CCNE2: variants seen among roughly 807,000 people sequenced by gnomAD.
The protein encoded by CCNE2 is cyclin E2.
In CCNE2, 18 loss-of-function variants were observed where a neutral mutation model predicts 56.8. The ratio of observed to expected loss-of-function variants is 0.32; its 90% confidence interval spans 0.22 to 0.47. The LOEUF is 0.47. CCNE2 is among the 20% of genes least tolerant of loss of function. CCNE2 has a pLI of 1.00. For synonymous variants in CCNE2, 139 were observed against 149.2 expected, an observed-to-expected ratio of 0.93 and a Z score of 0.50; for missense variants, 371 against 467.1, an observed-to-expected ratio of 0.79 and a Z score of 1.90.
intron 6 of CCNE2, among the ~76,000 whole-genome samples, chr8:94,889,985 A>G (rs1817171708): frequency 1.3e-5 from 2 of 152,218 alleles, no homozygotes; most frequent in African/African-American, 4.8e-5. Context: ...CCATAGTCTC[A>G]TTATGGTTTA....
At chr8:94,893,206 C>T (rs1218192470) in intron 4 of CCNE2, among the ~76,000 whole-genome samples, 1 of 152,034 alleles carries the variant, frequency 6.6e-6, no homozygotes, top group East Asian at 1.9e-4. Context: ...TAATAGAAGA[C>T]ACCAGGTGTC....
intron 6 of CCNE2, among the ~76,000 whole-genome samples, chr8:94,889,163 G>A (rs1309355881): frequency 6.6e-6 from 1 of 150,688 alleles, no homozygotes; most frequent in African/African-American, 2.4e-5. Flanking sequence ...AAAAAAAAAA[G>A]AATGTCGAAT....
chr8:94,895,333 C>A, upstream of CCNE2: 2 of 877,746 alleles, frequency 2.3e-6, no homozygotes, highest in African/African-American at 1.8e-5. Context: ...CGCGCCGCGC[C>A]CTGCTCTCAG....
chr8:94,888,924 G>T (rs527338055), intron 6 of CCNE2, among the ~76,000 whole-genome samples: 1 of 152,254 alleles, frequency 6.6e-6, no homozygotes, highest in African/African-American at 2.4e-5. Flanking sequence ...CAAGGCGGGC[G>T]GATCACTTGA....
chr8:94,887,462 G>A (rs757109735), intron 7 of CCNE2, among the ~76,000 whole-genome samples: 6 of 151,880 alleles, frequency 4.0e-5, no homozygotes, highest in Non-Finnish European at 8.8e-5. Context: ...CCAAGATCGC[G>A]CCATTGCACT....
In CCNE2 at chr8:94,888,070, A is replaced by C; in HGVS notation, c.457T>G (p.Cys153Gly). 6.5e-7 allele frequency: 1 copy of C among 1,542,208 alleles called. No homozygotes were observed. Residue 153 changes from cysteine to glycine, a missense_variant, in exon 7 of 12, where the codon TGT becomes GGT. By Grantham distance (159) the Cys-to-Gly change is radical. Coordinates refer to ENST00000308108, the MANE Select transcript of CCNE2 (RefSeq NM_057749.3). ...SILLDWLLEV[C>G]EVYTLHRETF... The stretch of plus-strand genomic sequence containing the variant: ...TCCCTATGAAGTGTGTATACTTCAC[A>C]TACCTAGAGAAGAATCCAAACATTT...
At chr8:94,882,041 A>G in intron 11 of CCNE2, 91 bp downstream of exon 11, 2 of 1,259,030 alleles carry the variant, frequency 1.6e-6, no homozygotes, top group Non-Finnish European at 2.2e-6. Flanking sequence ...TTCCCCTGAA[A>G]CTGCCTGAAG....
chr8:94,887,994 T>G lies in CCNE2; in HGVS notation c.533A>C (p.Lys178Thr). ...DFFDRFMLTQKDINKNMLQLI... is the reference protein window; with the variant it reads ...DFFDRFMLTQTDINKNMLQLI... ...TTGAAGCATATTTTTATTTATATCC[T>G]TTTGTGTCAACATAAATCTATCAAA... The change falls in exon 7 of 12, where the codon AAG becomes ACG. Residue 178 changes from lysine (K) to threonine (T), a missense_variant. Transcript: ENST00000308108. 1 of 1,596,194 alleles carries G rather than the reference T, an allele frequency of 6.3e-7. No individual in the cohort carries two copies. The highest frequency in any genetic ancestry group is 1.1e-5 in the South Asian group (1 of 88,412).
chr8:94,892,630 T>G (rs1041817378), intron 5 of CCNE2, among the ~76,000 whole-genome samples, 188 bp downstream of exon 5: 1 of 152,210 alleles, frequency 6.6e-6, no homozygotes, highest in Non-Finnish European at 1.5e-5. Context: ...TTTTATAGAA[T>G]CAGTGTTTTA....
chr8:94,886,136 C>T (rs148118226), intron 7 of CCNE2, among the ~76,000 whole-genome samples: 2,002 of 152,198 alleles, frequency 0.013, 23 homozygotes, highest in Non-Finnish European at 0.021. Flanking sequence ...TAGGTCAAAC[C>T]GTGGTAAGTA....
intron 8 of CCNE2, 21 bp downstream of exon 8, chr8:94,885,442 G>T: frequency 6.9e-7 from 1 of 1,441,306 alleles, no homozygotes; most frequent in Non-Finnish European, 9.6e-7. Flanking sequence ...TTTGCAACTA[G>T]GAAAACATAA....
intron 7 of CCNE2, among the ~76,000 whole-genome samples, chr8:94,887,560 C>T (rs1045598178): frequency 6.6e-6 from 1 of 151,994 alleles, no homozygotes; most frequent in African/African-American, 2.4e-5. Context: ...ACACAGTATG[C>T]ATTTCATTTC....
intron 2 of CCNE2, 21 bp downstream of exon 2, chr8:94,894,187 C>T: frequency 1.9e-6 from 3 of 1,613,998 alleles, no homozygotes; most frequent in Non-Finnish European, 2.5e-6. Context: ...TGAAACATGT[C>T]TCTAAGACAG....
chr8:94,882,653 T>C (rs1472237603), intron 10 of CCNE2, 128 bp downstream of exon 10: 1 of 668,966 alleles, frequency 1.5e-6, no homozygotes, highest in Non-Finnish European at 2.6e-6. Context: ...AGAAAGATAA[T>C]TACTGAACAG....
At chr8:94,890,309 C>T (rs913497772) in intron 6 of CCNE2, 106 bp downstream of exon 6, 2 of 941,534 alleles carry the variant, frequency 2.1e-6, no homozygotes, top group Non-Finnish European at 3.0e-6. Flanking sequence ...AAGACAGCTT[C>T]CTGGGGATGA....
chr8:94,883,914 G>A, intron 9 of CCNE2: 1 of 456,212 alleles, frequency 2.2e-6, no homozygotes, highest in South Asian at 1.5e-5. Context: ...GGAGAAATGG[G>A]AGAAGAGCTG....
chr8:94,882,325 G>T, intron 10 of CCNE2, 36 bp from the exon 11 acceptor site: 1 of 1,516,664 alleles, frequency 6.6e-7, no homozygotes, highest in Non-Finnish European at 8.9e-7. Flanking sequence ...AAGCATGAAG[G>T]TTGTACATCA....
chr8:94,880,405 C>T lies in CCNE2; in HGVS notation c.*1227G>A, dbSNP rs897618205. 1.7e-5 allele frequency: 7 copies of T among 407,438 alleles called. No individual in the cohort carries two copies. Among genetic ancestry groups the T allele is most frequent in the Non-Finnish European group, 2.6e-5 (6 of 228,496 alleles). 25.2% of individuals were successfully genotyped at this position (407,438 alleles called of 1,614,324 possible). ...ACAAACTATACAGAAGACTTCATAC[C>T]GTAACAATAAATGTATAGTTTCTTC... On this transcript the variant is annotated 3_prime_UTR_variant, in exon 12 of 12. Transcript: ENST00000308108.
rs376184791 is a variant in CCNE2 at position 94,882,151 on chromosome 8, G to A, written c.1082C>T (p.Thr361Ile). 6.2e-7 allele frequency: 1 copy of A among 1,610,668 alleles called. No individual in the cohort carries two copies. The highest frequency in any genetic ancestry group is 8.5e-7 in the Non-Finnish European group (1 of 1,178,906). The change falls in exon 11 of 12, where the codon ACA becomes ATA. Residue 361 changes from threonine (T) to isoleucine (I), a missense_variant. Thr to Ile is a moderately conservative substitution (Grantham distance 89). Transcript: ENST00000308108. ...ACATACCAGCATAGCCAAATAGTTT[G>A]TATGTGTCTGGATATTATGTCTGTC... is the stretch of plus-strand genomic sequence containing the variant. Reference protein sequence around the residue: ...MEDRHNIQTHTNYLAMLEEVN... With the variant: ...MEDRHNIQTHINYLAMLEEVN...
Sources: allele counts gnomAD v4.1 joint callset (sites outside exome capture counted in the v4.1 genomes callset), GRCh38; gene constraint gnomAD v4.1.1; transcripts MANE v1.5; gene names NCBI Gene and HGNC (gene_info 2026-07-23, HGNC 2026-07-21).